SEL1L3: variants seen among roughly 807,000 people sequenced by gnomAD.
SEL1L3 encodes the protein SEL1L family member 3.
SEL1L3 carries 76 observed loss-of-function variants against 142.8 expected under a neutral mutation model. The ratio of observed to expected loss-of-function variants is 0.53; its 90% CI spans 0.44 to 0.64. The LOEUF (loss-of-function observed/expected upper bound fraction) is 0.64, where lower values mean the gene tolerates loss of function less well. Among genes scored for constraint, SEL1L3 ranks in the 30% least tolerant of loss-of-function variants. The probability of loss-of-function intolerance (pLI) is 0.00; values close to 1 mark genes in which losing one functional copy is unlikely to be tolerated. For missense variants in SEL1L3, 1,262 were observed against 1,381.7 expected, an observed-to-expected ratio of 0.91 and a Z score of 1.37; for synonymous variants, 504 against 519.6, an observed-to-expected ratio of 0.97 and a Z score of 0.41.
chr4:25,751,949 A>T (rs1311602452), intron 23 of SEL1L3, among the ~76,000 whole-genome samples: 1 of 151,920 alleles, frequency 6.6e-6, no homozygotes, highest in Non-Finnish European at 1.5e-5. Flanking sequence ...TCTCTACTAA[A>T]AATACAAAAT....
In SEL1L3 at chr4:25,819,732, T is replaced by C. The variant is rs1714625780; in HGVS notation, c.1423+76A>G. 3.5e-6 allele frequency: 5 copies of C among 1,412,436 alleles called. No individual in the cohort carries two copies. In the Admixed American group the frequency reaches 6.9e-5, roughly 20 times the overall value. The allele number at this position is 1,412,436 out of a possible 1,614,324, so 87.5% of individuals were successfully genotyped here. A position where few individuals can be genotyped will look rare whatever the true frequency, so the allele number is the denominator to read the frequency against. On this transcript the variant is annotated intron_variant, in intron 8 of 23. Coordinates refer to ENST00000399878, the MANE Select transcript of SEL1L3 (RefSeq NM_015187.5). ...AGTCATATATGTTTAATTTTAATCC[T>C]GTTATGGAGAAGCCAAACATGTGTT...
chr4:25,740,697 T>G, the SEL1L3 span, among the ~76,000 whole-genome samples: 1 of 152,198 alleles, frequency 6.6e-6, no homozygotes, highest in South Asian at 2.1e-4. Flanking sequence ...TACTGCCACA[T>G]TGTTCACCTG....
chr4:25,841,699 C>T (rs945497665), intron 2 of SEL1L3, among the ~76,000 whole-genome samples: 1 of 152,182 alleles, frequency 6.6e-6, no homozygotes, highest in African/African-American at 2.4e-5. Flanking sequence ...TCACCCAGCA[C>T]TTTGTAATCC....
chr4:25,848,042 C>G lies in SEL1L3; in HGVS notation c.163-178G>C, dbSNP rs117992432. The stretch of plus-strand genomic sequence containing the variant: ...CTGAAGAATTGGGGAAAAACCAACA[C>G]ACAAATACAAAGGAAGATGAGGCCA... On this transcript the variant is annotated intron_variant, in intron 1 of 23. Coordinates refer to ENST00000399878, the MANE Select transcript of SEL1L3 (RefSeq NM_015187.5). 1.6e-3 allele frequency among the ~76,000 whole-genome samples: 240 copies of G among 152,266 alleles called. 1 individual carries two copies. In the East Asian group the frequency reaches 0.032, roughly 21 times the overall value.
rs1263818240 is a variant in SEL1L3 at position 25,847,862 on chromosome 4, A to G, written c.165T>C (p.Asn55=). The G allele has an allele frequency of 6.5e-7, 1 of 1,530,072 alleles. No homozygotes were observed. The highest frequency in any genetic ancestry group is 8.8e-7 in the Non-Finnish European group (1 of 1,140,386). 94.8% of individuals were successfully genotyped at this position (1,530,072 alleles called of 1,614,324 possible). The stretch of plus-strand genomic sequence containing the variant: ...TCTGCCTACCCAAAGATGGTACAAC[A>G]TTCTGAAAAAAAGAAAAAGAAAGTA... ...ACALLLLCYL[N]VVPSLGRQTS... The change falls in exon 2 of 24, where the codon AAT becomes AAC. Residue 55 remains asparagine, a splice_region_variant and synonymous_variant. Coordinates refer to ENST00000399878, the MANE Select transcript of SEL1L3 (RefSeq NM_015187.5).
At chr4:25,840,886 A>G (rs992712305) in intron 2 of SEL1L3, among the ~76,000 whole-genome samples, 1 of 152,178 alleles carries the variant, frequency 6.6e-6, no homozygotes, top group Middle Eastern at 3.2e-3. Context: ...CTGTGAGATG[A>G]AGCCCTTGTT....
intron 23 of SEL1L3, among the ~76,000 whole-genome samples, chr4:25,752,098 GA>G (rs1404600590): frequency 2.6e-5 from 3 of 113,848 alleles, no homozygotes; most frequent in Non-Finnish European, 5.2e-5. Context: ...GACAGAGTAA[GA>G]CTCCATCTCA....
chr4:25,851,234 A>G (rs1716871765), intron 1 of SEL1L3, among the ~76,000 whole-genome samples: 2 of 152,212 alleles, frequency 1.3e-5, no homozygotes, highest in African/African-American at 2.4e-5. Flanking sequence ...AACGTTTTCT[A>G]GTAGATTTAC....
intron 23 of SEL1L3, among the ~76,000 whole-genome samples, chr4:25,751,662 T>C (rs1028590128): frequency 9.4e-5 from 14 of 148,852 alleles, no homozygotes; most frequent in African/African-American, 3.4e-4. Flanking sequence ...TATATATAAA[T>C]AAATATATGT....
rs772475814 is a variant in SEL1L3 at position 25,757,567 on chromosome 4, C to T, written c.3226G>A (p.Ala1076Thr). 1.4e-5 allele frequency: 21 copies of T among 1,550,308 alleles called. No homozygotes were observed. In the Admixed American group the frequency reaches 1.4e-4, roughly 10 times the overall value. The change falls in exon 23 of 24, where the codon GCC becomes ACC. Residue 1076 changes from alanine (A) to threonine (T), a missense_variant. Coordinates refer to ENST00000399878, the MANE Select transcript of SEL1L3 (RefSeq NM_015187.5). The stretch of plus-strand genomic sequence containing the variant: ...GACTGGAAATACTGCACAGTCCAGG[C>T]GATCAATATGGATAGCAGAAAGGTT... Reference protein sequence around the residue: ...LGTFLLSILIAWTVQYFQSVS... With the variant: ...LGTFLLSILITWTVQYFQSVS...
intron 19 of SEL1L3, among the ~76,000 whole-genome samples, chr4:25,765,829 G>A (rs1170750451): frequency 6.6e-6 from 1 of 151,900 alleles, no homozygotes; most frequent in African/African-American, 2.4e-5. Context: ...TATAGAGACG[G>A]GGTTTCACCA....
intron 20 of SEL1L3, among the ~76,000 whole-genome samples, chr4:25,763,718 T>C (rs1718534417): frequency 6.6e-6 from 1 of 152,062 alleles, no homozygotes; most frequent in Non-Finnish European, 1.5e-5. Flanking sequence ...CATGCACTTG[T>C]ATTTCCAGCT....
At chr4:25,759,175 T>A in intron 20 of SEL1L3, 107 bp from the exon 21 acceptor site, 1 of 1,178,216 alleles carries the variant, frequency 8.5e-7, no homozygotes. Context: ...TTTTTTTAAG[T>A]CTCTAGAGCC....
At chr4:25,736,729 A>G in the SEL1L3 span, among the ~76,000 whole-genome samples, 1 of 152,130 alleles carries the variant, frequency 6.6e-6, no homozygotes, top group African/African-American at 2.4e-5. Context: ...TTGTTCTATT[A>G]CTGAGAGAAG....
intron 9 of SEL1L3, among the ~76,000 whole-genome samples, chr4:25,806,205 A>G (rs183260453): frequency 6.6e-6 from 1 of 151,602 alleles, no homozygotes; most frequent in East Asian, 1.9e-4. Context: ...CGCCCGGCTA[A>G]TTTTTTGTAT....
the SEL1L3 span, chr4:25,720,514 G>A: frequency 2.0e-5 from 3 of 152,152 alleles, no homozygotes; most frequent in Non-Finnish European, 2.9e-5. Context: ...AAAAGAGTAG[G>A]ATCCTCATCA....
chr4:25,832,565 T>C (rs1430957374), intron 5 of SEL1L3, among the ~76,000 whole-genome samples: 1 of 152,224 alleles, frequency 6.6e-6, no homozygotes, highest in Non-Finnish European at 1.5e-5. Context: ...TTGCTTCACT[T>C]GCCAAAAGCA....
chr4:25,813,483 G>T (rs536250308), intron 9 of SEL1L3, among the ~76,000 whole-genome samples: 11 of 152,250 alleles, frequency 7.2e-5, no homozygotes, highest in Non-Finnish European at 8.8e-5. Flanking sequence ...AATACCAAGT[G>T]GTATTAGATA....
intron 11 of SEL1L3, among the ~76,000 whole-genome samples, chr4:25,799,564 C>T (rs2109214213): frequency 6.6e-6 from 1 of 152,230 alleles, no homozygotes; most frequent in South Asian, 2.1e-4. Flanking sequence ...GTTGTAGGAG[C>T]TCAGAGGGGA....
Sources: allele counts gnomAD v4.1 joint callset (sites outside exome capture counted in the v4.1 genomes callset), GRCh38; gene constraint gnomAD v4.1.1; transcripts MANE v1.5; gene names NCBI Gene and HGNC (gene_info 2026-07-23, HGNC 2026-07-21).